The following PARD3B variants were observed in gnomAD, a reference collection of about 807,000 sequenced individuals.
The protein encoded by PARD3B is partitioning defective 3 homolog B.
A neutral mutation model predicts 130.2 loss-of-function variants in PARD3B; 103 were observed. The observed-to-expected ratio is 0.79, with a 90% CI of 0.67 to 0.93. The LOEUF (loss-of-function observed/expected upper bound fraction) is 0.93, where lower values mean the gene tolerates loss of function less well. Ranked by LOEUF, PARD3B falls within the 40% of genes least tolerant of loss-of-function variation. PARD3B has a pLI of 0.00. For missense variants in PARD3B, 1,609 were observed against 1,499.2 expected (o/e 1.07, Z -1.21); for synonymous variants, 583 against 553.2 (o/e 1.05, Z -0.76).
In PARD3B at chr2:205,262,436, C is replaced by T. The variant is rs74903217; in HGVS notation, c.2185+16614C>T. The stretch of plus-strand genomic sequence containing the variant: ...CATGGCAACGAGAACTGGCTTTGCA[C>T]ACACAATACCCTTGGCTCCAAGGAG... On this transcript the variant is annotated intron_variant, in intron 16 of 22. Transcript: ENST00000406610. Among the ~76,000 whole-genome samples the T allele has an allele frequency of 4.0e-4, 61 of 152,138 alleles. No homozygotes were observed. The East Asian group carries it at 5.6e-3, about 14-fold the overall frequency.
At chr2:205,387,971 A>G (rs2045721924) in intron 18 of PARD3B, among the ~76,000 whole-genome samples, 1 of 152,178 alleles carries the variant, frequency 6.6e-6, no homozygotes, top group African/African-American at 2.4e-5. Flanking sequence ...GAAGTTTTCA[A>G]TATCAGTTCT....
chr2:204,659,977 A>G (rs1467848851), intron 1 of PARD3B, among the ~76,000 whole-genome samples: 2 of 152,116 alleles, frequency 1.3e-5, no homozygotes, highest in Non-Finnish European at 2.9e-5. Context: ...CTTTGAGCCA[A>G]ACTTATTTTC....
At chr2:205,129,082 A>G (rs1023745853) in intron 10 of PARD3B, among the ~76,000 whole-genome samples, 19 of 152,216 alleles carry the variant, frequency 1.2e-4, no homozygotes, top group Admixed American at 4.6e-4. Context: ...TGGAGGGTAT[A>G]TGCTTAGTAT....
At chr2:204,593,606 T>C (rs1302679823) in intron 1 of PARD3B, among the ~76,000 whole-genome samples, 1 of 152,190 alleles carries the variant, frequency 6.6e-6, no homozygotes, top group Admixed American at 6.5e-5. Flanking sequence ...GAGTACTCAG[T>C]AGTTTATGAA....
chr2:205,260,528 G>A (rs759865457), intron 16 of PARD3B, among the ~76,000 whole-genome samples: 15 of 152,210 alleles, frequency 9.9e-5, no homozygotes, highest in Non-Finnish European at 1.9e-4. Flanking sequence ...TGGCTTTAAT[G>A]TATGAGAATC....
chr2:204,560,457 G>C lies in PARD3B; in HGVS notation c.120+14338G>C, dbSNP rs777671168. ...GGCATGGTATGATCAAGGTGCTTTG[G>C]GGCAAGGGGAGGTGGGGAAGTTGAG... On this transcript the variant is annotated intron_variant, in intron 1 of 22. Transcript: ENST00000406610. Among the ~76,000 whole-genome samples, 7 of 152,064 alleles carry C rather than the reference G, an allele frequency of 4.6e-5. No homozygotes were observed. In the South Asian group the frequency reaches 1.2e-3, roughly 27 times the overall value.
intron 3 of PARD3B, among the ~76,000 whole-genome samples, chr2:204,996,683 G>T (rs1230655521): frequency 6.7e-6 from 1 of 149,566 alleles, no homozygotes; most frequent in Non-Finnish European, 1.5e-5. Flanking sequence ...CCCCAGCCTC[G>T]TTGCCGCCTT....
At chr2:205,420,749 C>T (rs2046939207) in intron 19 of PARD3B, among the ~76,000 whole-genome samples, 1 of 152,220 alleles carries the variant, frequency 6.6e-6, no homozygotes, top group South Asian at 2.1e-4. Context: ...AGAGCCTCTT[C>T]TGGGATACTT....
chr2:205,320,118 A>G (rs367804406), intron 18 of PARD3B, among the ~76,000 whole-genome samples: 3 of 142,592 alleles, frequency 2.1e-5, no homozygotes, highest in African/African-American at 7.7e-5. Flanking sequence ...ATGAGCTGAG[A>G]TCACGCCGCT....
intron 18 of PARD3B, among the ~76,000 whole-genome samples, chr2:205,361,005 G>T (rs2044368458): frequency 6.6e-6 from 1 of 150,968 alleles, no homozygotes; most frequent in African/African-American, 2.4e-5. Context: ...CTTCTTCACT[G>T]CCCCAACCCA....
intron 20 of PARD3B, among the ~76,000 whole-genome samples, chr2:205,469,417 T>C (rs1167978776): frequency 6.6e-6 from 1 of 152,156 alleles, no homozygotes; most frequent in Non-Finnish European, 1.5e-5. Flanking sequence ...TGGTCTTTGG[T>C]TCTCACCACT....
At chr2:204,899,373 G>A (rs933574573) in intron 2 of PARD3B, among the ~76,000 whole-genome samples, 4 of 151,220 alleles carry the variant, frequency 2.6e-5, no homozygotes, top group South Asian at 2.1e-4. Context: ...TATATTGTTC[G>A]TGAGTCTGTT....
rs972062479 is a variant in PARD3B, at chr2:205,446,838, G to A, written c.3044+6166G>A. Among the ~76,000 whole-genome samples the A allele has an allele frequency of 6.6e-6, 1 of 152,316 alleles. No individual in the cohort carries two copies. The highest frequency in any genetic ancestry group is 1.9e-4 in the East Asian group (1 of 5,180). On this transcript the variant is annotated intron_variant, in intron 20 of 22. Transcript: ENST00000406610. The surrounding 1 kb of genome is among the most constrained non-coding windows in gnomAD (Gnocchi z 4.4). ...GTGTTAGTTTTCCACCGCAATGCCAGCATTGAAAGGGCTCCCAGAGTGTAT... is the reference window on the plus strand; with the variant it reads ...GTGTTAGTTTTCCACCGCAATGCCAACATTGAAAGGGCTCCCAGAGTGTAT...
chr2:205,016,026 TA>T (rs1696119736), intron 3 of PARD3B, among the ~76,000 whole-genome samples: 2 of 152,182 alleles, frequency 1.3e-5, no homozygotes, highest in Non-Finnish European at 2.9e-5. Context: ...CTCTCCAAAA[TA>T]AATCTCAAAA....
At chr2:204,830,665 A>G (rs903712660) in intron 2 of PARD3B, among the ~76,000 whole-genome samples, 23 of 152,230 alleles carry the variant, frequency 1.5e-4, no homozygotes, top group African/African-American at 5.3e-4. Context: ...TTCAAAGGGA[A>G]AGAAGATTAG....
intron 2 of PARD3B, among the ~76,000 whole-genome samples, chr2:204,794,025 CAAAGCT>C (rs778055026): frequency 6.6e-5 from 10 of 151,948 alleles, no homozygotes; most frequent in Non-Finnish European, 1.5e-4. Flanking sequence ...TGGATGTGTT[CAAAGCT>C]AAAGGAATTT....
At chr2:204,732,379 G>A (rs2039553133) in intron 2 of PARD3B, among the ~76,000 whole-genome samples, 1 of 152,084 alleles carries the variant, frequency 6.6e-6, no homozygotes, top group South Asian at 2.1e-4. Context: ...GGTTTTCTCT[G>A]GACATTCTCA....
chr2:204,857,468 A>G (rs2044998730), intron 2 of PARD3B, among the ~76,000 whole-genome samples: 1 of 152,202 alleles, frequency 6.6e-6, no homozygotes, highest in South Asian at 2.1e-4. Context: ...TGAATGAGAA[A>G]AAATCATACA....
chr2:205,168,320 A>AGAGAGAGAGAGAGAGAGG (rs371904121), intron 11 of PARD3B, among the ~76,000 whole-genome samples: 1 of 119,694 alleles, frequency 8.4e-6, no homozygotes, highest in Non-Finnish European at 1.7e-5. Flanking sequence ...AGAGAGAGAG[A>AGAGAGAGAGAGAGAGAGG]GTGTGTGTGT....
Sources: gnomAD v4.1 joint callset for allele counts (sites outside exome capture counted in the v4.1 genomes callset) on GRCh38, gnomAD v4.1.1 for gene constraint, Gnocchi (gnomAD v3.1) non-coding constraint, MANE v1.5 for transcripts, NCBI Gene and HGNC (gene_info 2026-07-23, HGNC 2026-07-21) for gene names.